NT5C1A: variants seen among roughly 807,000 people sequenced by gnomAD.
The protein encoded by NT5C1A is 5'-nucleotidase, cytosolic IA, also known as cytosolic 5'-nucleotidase 1A.
A neutral mutation model predicts 31.0 loss-of-function variants in NT5C1A; 18 were observed. That is an observed-to-expected ratio of 0.58 (90% CI 0.40 to 0.86). The LOEUF (loss-of-function observed/expected upper bound fraction) is 0.86, where lower values mean the gene tolerates loss of function less well. Ranked by LOEUF, NT5C1A falls within the 40% of genes least tolerant of loss-of-function variation. The pLI is 0.00. For synonymous variants in NT5C1A, 185 were observed against 203.6 expected, an observed-to-expected ratio of 0.91 and a Z score of 0.78; for missense variants, 470 against 505.4, an observed-to-expected ratio of 0.93 and a Z score of 0.67.
At chr1:39,667,116 C>T (rs926549825) in intron 1 of NT5C1A, among the ~76,000 whole-genome samples, 24 of 152,152 alleles carry the variant, frequency 1.6e-4, no homozygotes, top group African/African-American at 4.6e-4. Context: ...CAGACCCCTA[C>T]TTCTCTTTCC....
rs76866505 is a variant in NT5C1A at position 39,660,121 on chromosome 1, C to T, written c.742-635G>A. 0.013 allele frequency among the ~76,000 whole-genome samples: 2,040 copies of T among 152,318 alleles called. 89 individuals are homozygous for T. The East Asian group carries it at 0.15, about 12-fold the overall frequency. On this transcript the variant is annotated intron_variant, in intron 5 of 5. Transcript: ENST00000235628. ...AAAAGTGGGCTCCTCGTCTTGGAGA[C>T]CTCTCGCTTGCTAGGTAAACTGGAA... is the stretch of plus-strand genomic sequence containing the variant.
At chr1:39,659,551 C>T in intron 5 of NT5C1A, 65 bp from the exon 6 acceptor site, 1 of 1,506,422 alleles carries the variant, frequency 6.6e-7, no homozygotes, top group Non-Finnish European at 8.9e-7. Context: ...CCCTGCTCTC[C>T]CTAAAGCACT....
In NT5C1A at chr1:39,654,768, A is replaced by G. The variant is rs1447134109; in HGVS notation, c.*4353T>C. Among the ~76,000 whole-genome samples the G allele has an allele frequency of 2.6e-5, 4 of 152,242 alleles. No individual in the cohort carries two copies. Among genetic ancestry groups the G allele is most frequent in the Non-Finnish European group, 4.4e-5 (3 of 68,038 alleles). On this transcript the variant is annotated 3_prime_UTR_variant, in exon 6 of 6. Coordinates refer to ENST00000235628, the MANE Select transcript of NT5C1A (RefSeq NM_032526.3). ...GGCTCATCCCACTGAGGCATCAGCC[A>G]GGCTGTCTGCCTTGGCCCAGGGGTC...
At chr1:39,664,364 A>C (rs1646507845) in intron 3 of NT5C1A, among the ~76,000 whole-genome samples, 1 of 147,084 alleles carries the variant, frequency 6.8e-6, no homozygotes, top group African/African-American at 2.5e-5. Flanking sequence ...CGGTGTTAGC[A>C]ATCCAATCTC....
At chr1:39,667,410 C>T (rs906102681) in intron 1 of NT5C1A, among the ~76,000 whole-genome samples, 1 of 152,006 alleles carries the variant, frequency 6.6e-6, no homozygotes, top group Non-Finnish European at 1.5e-5. Context: ...ATATGAGTGC[C>T]CAAGGGATTT....
intron 1 of NT5C1A, among the ~76,000 whole-genome samples, chr1:39,667,725 C>T (rs1646530690): frequency 6.6e-6 from 1 of 152,186 alleles, no homozygotes; most frequent in African/African-American, 2.4e-5. Context: ...CATGATCCAA[C>T]CCCAAGACAG....
At chr1:39,667,434 G>T (rs58397081) in intron 1 of NT5C1A, among the ~76,000 whole-genome samples, 9,544 of 152,136 alleles carry the variant, frequency 0.063, 400 homozygotes, top group East Asian at 0.12. Flanking sequence ...GATACCCAGA[G>T]AATCCCACCA....
chr1:39,652,125 G>T lies in NT5C1A; in HGVS notation c.*6996C>A, dbSNP rs1447563237. Among the ~76,000 whole-genome samples, 1 of 147,970 alleles carries T rather than the reference G, an allele frequency of 6.8e-6. No homozygotes were observed. The highest frequency in any genetic ancestry group is 1.5e-5 in the Non-Finnish European group (1 of 67,506). ...AAGGCTGAGCTAGGTCATCTCTGAGGTCTCTTAAATATCCATCACTGAGAA... is the reference window on the plus strand; with the variant it reads ...AAGGCTGAGCTAGGTCATCTCTGAGTTCTCTTAAATATCCATCACTGAGAA... On this transcript the variant is annotated 3_prime_UTR_variant, in exon 6 of 6. Transcript: ENST00000235628.
intron 4 of NT5C1A, among the ~76,000 whole-genome samples, chr1:39,661,997 G>A (rs1253380067): frequency 6.6e-6 from 1 of 152,156 alleles, no homozygotes; most frequent in African/African-American, 2.4e-5. Context: ...TGTGTGCACA[G>A]ACTGCAACCC....
Position 39,652,675 on chromosome 1 carries a change from G to C in NT5C1A, c.*6446C>G, listed in dbSNP as rs1646438449. Among the ~76,000 whole-genome samples, 1 of 152,104 alleles carries C rather than the reference G, an allele frequency of 6.6e-6. No individual in the cohort carries two copies. The highest frequency in any genetic ancestry group is 1.5e-5 in the Non-Finnish European group (1 of 68,024). On this transcript the variant is annotated 3_prime_UTR_variant, in exon 6 of 6. Coordinates refer to ENST00000235628, the MANE Select transcript of NT5C1A (RefSeq NM_032526.3). The stretch of plus-strand genomic sequence containing the variant: ...AGGAGTGTGGGAGTCAGTGACCCCA[G>C]TCTTCACAGCTTTGGTTTGCCTTAC...
At position 39,656,053 on chromosome 1, in the gene NT5C1A, G is replaced by A. The variant is rs1646457546; in HGVS notation, c.*3068C>T. Among the ~76,000 whole-genome samples the A allele has an allele frequency of 6.7e-6, 1 of 150,340 alleles. No homozygotes were observed. Among genetic ancestry groups the A allele is most frequent in the East Asian group, 1.9e-4 (1 of 5,188 alleles). On this transcript the variant is annotated 3_prime_UTR_variant, in exon 6 of 6. Coordinates refer to ENST00000235628, the MANE Select transcript of NT5C1A (RefSeq NM_032526.3). ...AGGGGGATGTTTTGCAACTGGCTGA[G>A]CAGTCTCAGTGCTTAGTAACAGGGC...
Position 39,661,215 on chromosome 1 carries a change from G to A in NT5C1A, c.605C>T (p.Ser202Phe). The change falls in exon 5 of 6, where the codon TCC becomes TTC. Residue 202 changes from serine to phenylalanine, a missense_variant. By Grantham distance (155) the Ser-to-Phe change is radical. Transcript: ENST00000235628. The stretch of plus-strand genomic sequence containing the variant: ...GAAGGCCACGCGCAGCTGACTCTGG[G>A]ACACAACCACATCCCTGCTGGGGCT... ...IFSPSRDVVV[S>F]QSQLRVAFDG... 1.3e-6 allele frequency: 2 copies of A among 1,596,154 alleles called. No individual in the cohort carries two copies. The highest frequency in any genetic ancestry group is 1.7e-6 in the Non-Finnish European group (2 of 1,165,154).
In NT5C1A at chr1:39,653,448, G is replaced by A. The variant is rs565532938; in HGVS notation, c.*5673C>T. Among the ~76,000 whole-genome samples, 10 of 152,232 alleles carry A rather than the reference G, an allele frequency of 6.6e-5. No individual in the cohort carries two copies. The highest frequency in any genetic ancestry group is 4.1e-4 in the South Asian group (2 of 4,824). On this transcript the variant is annotated 3_prime_UTR_variant, in exon 6 of 6. Transcript: ENST00000235628. Reference sequence around the variant, plus strand: ...CACACACCCACATAAATACACGTACGTGTACGATTTTTATCCTGTTGCACA... The same window carrying A: ...CACACACCCACATAAATACACGTACATGTACGATTTTTATCCTGTTGCACA...
intron 2 of NT5C1A, 107 bp from the exon 3 acceptor site, chr1:39,665,757 A>T: frequency 8.9e-7 from 1 of 1,121,754 alleles, no homozygotes; most frequent in East Asian, 2.4e-5. Context: ...TTGGGATGAG[A>T]TAAGTGCACA....
chr1:39,668,593 G>A (rs113896128), intron 1 of NT5C1A, among the ~76,000 whole-genome samples: 1,753 of 152,190 alleles, frequency 0.012, 22 homozygotes, highest in African/African-American at 0.04. Flanking sequence ...TCAAGTCTCC[G>A]GCCTCTAGCC....
chr1:39,655,099 G>A lies in NT5C1A; in HGVS notation c.*4022C>T, dbSNP rs1261546844. 3.3e-5 allele frequency among the ~76,000 whole-genome samples: 5 copies of A among 152,072 alleles called. No homozygotes were observed. The highest frequency in any genetic ancestry group is 5.9e-5 in the Non-Finnish European group (4 of 68,008). On this transcript the variant is annotated 3_prime_UTR_variant, in exon 6 of 6. Transcript: ENST00000235628. Reference sequence around the variant, plus strand: ...TGGGACTACAGGCGTGCACCACCACGCCCAGCTAATTTTTGTATTTTTAGT... The same window carrying A: ...TGGGACTACAGGCGTGCACCACCACACCCAGCTAATTTTTGTATTTTTAGT...
At chr1:39,664,465 C>T (rs572991315) in intron 3 of NT5C1A, among the ~76,000 whole-genome samples, 82 of 115,130 alleles carry the variant, frequency 7.1e-4, no homozygotes, top group African/African-American at 2.6e-3. Context: ...ATTTTTCTGT[C>T]TCTCTCTCCC....
At chr1:39,668,684 C>T (rs571987135) in intron 1 of NT5C1A, among the ~76,000 whole-genome samples, 18 of 152,336 alleles carry the variant, frequency 1.2e-4, no homozygotes, top group South Asian at 8.3e-4. Flanking sequence ...GCTACTTCCG[C>T]CTTCCCTGGA....
In NT5C1A at chr1:39,663,341, G is replaced by A. The variant is rs763507322; in HGVS notation, c.527C>T (p.Ala176Val). The change falls in exon 4 of 6, where the codon GCG becomes GTG. Residue 176 changes from alanine to valine, a missense_variant. Coordinates refer to ENST00000235628, the MANE Select transcript of NT5C1A (RefSeq NM_032526.3). ...YHTNLYLSAD[A>V]EKVREAIDEG... ...ATCAATGGCTTCTCGCACTTTTTCC[G>A]CATCGGCTGACAAGTAGAGGTTGGT... 2.3e-5 allele frequency: 37 copies of A among 1,614,004 alleles called. No homozygotes were observed. The South Asian group carries it at 2.5e-4, about 11-fold the overall frequency.
Sources: allele counts gnomAD v4.1 joint callset (sites outside exome capture counted in the v4.1 genomes callset), GRCh38; gene constraint gnomAD v4.1.1; transcripts MANE v1.5; gene names NCBI Gene and HGNC (gene_info 2026-07-23, HGNC 2026-07-21).